CTNNA2: variants seen among roughly 807,000 people sequenced by gnomAD.
CTNNA2 encodes the protein catenin alpha-2.
Under a neutral mutation model 101.0 loss-of-function variants are expected in CTNNA2, and 42 were observed. The observed-to-expected ratio is 0.42, with a 90% confidence interval of 0.32 to 0.54. The LOEUF (loss-of-function observed/expected upper bound fraction) is 0.54. Among genes scored for constraint, CTNNA2 ranks in the 20% least tolerant of loss-of-function variants. CTNNA2 has a pLI of 0.14. For missense variants in CTNNA2, 871 were observed against 1,223.1 expected, an observed-to-expected ratio of 0.71 and a Z score of 4.29; for synonymous variants, 450 against 456.4, an observed-to-expected ratio of 0.99 and a Z score of 0.18.
At chr2:80,180,601 C>T (rs1450334388) in intron 7 of CTNNA2, among the ~76,000 whole-genome samples, 1 of 152,186 alleles carries the variant, frequency 6.6e-6, no homozygotes, top group Non-Finnish European at 1.5e-5. Flanking sequence ...GACTGCGGTT[C>T]CTCTTGTAAG....
intron 2 of CTNNA2, among the ~76,000 whole-genome samples, chr2:79,661,833 G>A (rs1682057102): frequency 6.6e-6 from 1 of 151,978 alleles, no homozygotes; most frequent in African/African-American, 2.4e-5. Flanking sequence ...GGTAAGGTCA[G>A]TATAGTTTTA....
At chr2:79,416,937 C>T (rs1388121481) in intron 4 of CTNNA2, among the ~76,000 whole-genome samples, 2 of 152,104 alleles carry the variant, frequency 1.3e-5, no homozygotes, top group Non-Finnish European at 2.9e-5. Flanking sequence ...GGCACATTAG[C>T]AAACATGCTC....
At chr2:80,102,700 C>T (rs1175691394) in intron 7 of CTNNA2, among the ~76,000 whole-genome samples, 4 of 152,046 alleles carry the variant, frequency 2.6e-5, no homozygotes, top group East Asian at 1.9e-4. Context: ...TTAGTAGAGA[C>T]GGGGTTTCAC....
At chr2:80,518,811 C>A (rs1689298869) in intron 9 of CTNNA2, among the ~76,000 whole-genome samples, 1 of 152,054 alleles carries the variant, frequency 6.6e-6, no homozygotes, top group African/African-American at 2.4e-5. Flanking sequence ...TTTTAAAAAA[C>A]TCTATAGCCC....
chr2:80,156,287 A>G (rs1364800860), intron 7 of CTNNA2, among the ~76,000 whole-genome samples: 2 of 152,208 alleles, frequency 1.3e-5, no homozygotes, highest in African/African-American at 4.8e-5. Context: ...ATACTTGAAG[A>G]TGTTCAAGTC....
At chr2:80,113,577 G>A (rs752159204) in intron 7 of CTNNA2, among the ~76,000 whole-genome samples, 15 of 152,126 alleles carry the variant, frequency 9.9e-5, no homozygotes, top group Non-Finnish European at 1.8e-4. Context: ...ACACAGCCAC[G>A]CTCATTTGTT....
intron 7 of CTNNA2, among the ~76,000 whole-genome samples, chr2:80,330,314 G>A (rs1051380808): frequency 6.6e-6 from 1 of 152,174 alleles, no homozygotes; most frequent in Non-Finnish European, 1.5e-5. Context: ...AGCATTTGGG[G>A]ATAAAACAGG....
intron 1 of CTNNA2, among the ~76,000 whole-genome samples, chr2:79,585,643 C>G (rs1417969992): frequency 6.6e-6 from 1 of 152,042 alleles, no homozygotes; most frequent in African/African-American, 2.4e-5. Context: ...TTTTTAAATT[C>G]CTGGTAATGA....
chr2:80,037,551 A>G (rs1365011749), intron 7 of CTNNA2, among the ~76,000 whole-genome samples: 1 of 152,226 alleles, frequency 6.6e-6, no homozygotes, highest in African/African-American at 2.4e-5. Context: ...GGTAATGCCT[A>G]GTCTGTGACT....
intron 9 of CTNNA2, among the ~76,000 whole-genome samples, chr2:80,474,571 C>G (rs1410512742): frequency 1.3e-5 from 2 of 152,142 alleles, no homozygotes; most frequent in African/African-American, 4.8e-5. Flanking sequence ...CTACATTTTC[C>G]TACCATAAAT....
chr2:80,550,306 C>A (rs1315622725), intron 11 of CTNNA2, among the ~76,000 whole-genome samples: 1 of 152,156 alleles, frequency 6.6e-6, no homozygotes, highest in East Asian at 1.9e-4. Context: ...CAGCCATAAT[C>A]TCTTTGATGG....
At chr2:79,999,468 C>T (rs1692783465) in intron 7 of CTNNA2, among the ~76,000 whole-genome samples, 1 of 152,128 alleles carries the variant, frequency 6.6e-6, no homozygotes, top group South Asian at 2.1e-4. Context: ...ACAGTTGGGC[C>T]CTGAGCTTCT....
At chr2:80,101,959 G>A (rs891997644) in intron 7 of CTNNA2, among the ~76,000 whole-genome samples, 3 of 152,102 alleles carry the variant, frequency 2.0e-5, no homozygotes, top group African/African-American at 7.2e-5. Flanking sequence ...ATTCTTATAG[G>A]ACCATGCAAT....
intron 4 of CTNNA2, among the ~76,000 whole-genome samples, chr2:79,863,044 A>G (rs1307501178): frequency 6.6e-6 from 1 of 152,158 alleles, no homozygotes; most frequent in Admixed American, 6.5e-5. Flanking sequence ...AGGAGGCCTC[A>G]TAGTCTCAAA....
At chr2:80,256,289 G>A (rs1672140367) in intron 7 of CTNNA2, among the ~76,000 whole-genome samples, 2 of 152,102 alleles carry the variant, frequency 1.3e-5, no homozygotes, top group Admixed American at 1.3e-4. Context: ...TATCTAGCCA[G>A]CAACACTCCC....
chr2:79,900,823 G>T (rs563840343), intron 6 of CTNNA2, among the ~76,000 whole-genome samples: 2 of 152,262 alleles, frequency 1.3e-5, no homozygotes, highest in East Asian at 3.9e-4. Flanking sequence ...GTAACACAGA[G>T]AAACGATAAA....
intron 7 of CTNNA2, among the ~76,000 whole-genome samples, chr2:80,309,717 C>T (rs1342715247): frequency 4.0e-5 from 6 of 149,286 alleles, no homozygotes; most frequent in Admixed American, 2.0e-4. Flanking sequence ...GTTTTTGAGA[C>T]GGAGTCTCGC....
At chr2:80,500,196 C>A (rs910803526) in intron 9 of CTNNA2, among the ~76,000 whole-genome samples, 1 of 152,080 alleles carries the variant, frequency 6.6e-6, no homozygotes, top group African/African-American at 2.4e-5. Context: ...AGAAAGCGTG[C>A]AGAGATCAAA....
chr2:79,385,285 T>G (rs1221970775), intron 4 of CTNNA2, among the ~76,000 whole-genome samples: 1 of 152,182 alleles, frequency 6.6e-6, no homozygotes, highest in Non-Finnish European at 1.5e-5. Flanking sequence ...TTGGCCACTT[T>G]GCCACTCATT....
Sources: allele counts gnomAD v4.1 joint callset (sites outside exome capture counted in the v4.1 genomes callset), GRCh38; gene constraint gnomAD v4.1.1; transcripts MANE v1.5; gene names NCBI Gene and HGNC (gene_info 2026-07-23, HGNC 2026-07-21).